The following CELF1 variants were observed in gnomAD, a reference collection of about 807,000 sequenced individuals.
CELF1 encodes the protein 50 kDa nuclear polyadenylated RNA-binding protein.
A neutral mutation model predicts 61.8 loss-of-function variants in CELF1; 10 were observed. That is an observed-to-expected ratio of 0.16 (90% CI 0.10 to 0.27). The LOEUF (loss-of-function observed/expected upper bound fraction) is 0.27, where lower values mean the gene tolerates loss of function less well. CELF1 is among the 10% of genes least tolerant of loss of function. The pLI, the probability that CELF1 is intolerant of heterozygous loss-of-function variation, is 1.00. For missense variants in CELF1, 380 were observed against 639.1 expected, an observed-to-expected ratio of 0.59 and a Z score of 4.37; for synonymous variants, 236 against 225.1, an observed-to-expected ratio of 1.05 and a Z score of -0.43.
At chr11:47,490,809 G>C (rs2091066405) in intron 3 of CELF1, among the ~76,000 whole-genome samples, 1 of 151,586 alleles carries the variant, frequency 6.6e-6, no homozygotes, top group Non-Finnish European at 1.5e-5. Context: ...AGATCCTTAA[G>C]AATGCTGAAT....
intron 3 of CELF1, among the ~76,000 whole-genome samples, chr11:47,495,553 G>T (rs1040641181): frequency 6.6e-6 from 1 of 152,206 alleles, no homozygotes; most frequent in African/African-American, 2.4e-5. Flanking sequence ...TTTATAGTAT[G>T]TGAATTATGT....
chr11:47,560,424 C>T (rs999913563), intron 2 of CELF1, among the ~76,000 whole-genome samples: 3 of 152,046 alleles, frequency 2.0e-5, no homozygotes, highest in African/African-American at 7.3e-5. Flanking sequence ...AAACAAAAAA[C>T]AAAACATTTC....
chr11:47,517,637 C>A (rs983551635), intron 1 of CELF1, among the ~76,000 whole-genome samples: 1 of 151,824 alleles, frequency 6.6e-6, no homozygotes, highest in Non-Finnish European at 1.5e-5. Context: ...CATGTGAACA[C>A]GTTACCTATT....
chr11:47,481,632 T>C (rs1033687568), intron 9 of CELF1, among the ~76,000 whole-genome samples: 3 of 152,188 alleles, frequency 2.0e-5, no homozygotes, highest in Non-Finnish European at 4.4e-5. Context: ...GGTTTCACCA[T>C]TAATAGCCTA....
chr11:47,486,999 A>C (rs1288388343), intron 5 of CELF1, among the ~76,000 whole-genome samples, 160 bp downstream of exon 5: 1 of 152,240 alleles, frequency 6.6e-6, no homozygotes, highest in African/African-American at 2.4e-5. Context: ...AACTAATGTC[A>C]GGTAATCTCT....
chr11:47,531,164 T>A (rs913318687), intron 1 of CELF1, among the ~76,000 whole-genome samples: 4 of 152,006 alleles, frequency 2.6e-5, no homozygotes, highest in African/African-American at 9.7e-5. Flanking sequence ...CAAGAATCAC[T>A]TGAACCCGGG....
intron 2 of CELF1, 163 bp from the exon 3 acceptor site, chr11:47,499,767 A>G (rs1055621925): frequency 4.1e-6 from 2 of 488,746 alleles, no homozygotes; most frequent in African/African-American, 3.9e-5. Context: ...ACACAATGAA[A>G]GTGCTGATGC....
At chr11:47,485,501 TAAAG>T (rs1316876336) in intron 6 of CELF1, among the ~76,000 whole-genome samples, 2 of 152,168 alleles carry the variant, frequency 1.3e-5, no homozygotes, top group Non-Finnish European at 2.9e-5. Context: ...GCAATACTAC[TAAAG>T]AAAGAAGAGG....
upstream of CELF1, among the ~76,000 whole-genome samples, chr11:47,556,237 TGTA>T (rs1362700378): frequency 2.0e-5 from 3 of 152,096 alleles, no homozygotes; most frequent in African/African-American, 7.2e-5. Flanking sequence ...CAGCCTGGAG[TGTA>T]GTAGTGCTAT....
chr11:47,472,207 T>C lies in CELF1; in HGVS notation c.*23A>G, dbSNP rs2077922852. The C allele has an allele frequency of 6.2e-7, 1 of 1,612,324 alleles. No individual in the cohort carries two copies. Among genetic ancestry groups the C allele is most frequent in the Non-Finnish European group, 8.5e-7 (1 of 1,179,184 alleles). On this transcript the variant is annotated 3_prime_UTR_variant, in exon 15 of 15. Coordinates refer to ENST00000687097, the MANE Select transcript of CELF1 (RefSeq NM_001376376.1). ...CCCACTTACCAGAAGACCCTCTCAC[T>C]CCAGTCTCAGAGGGGAGCACGCTCA...
At chr11:47,488,776 C>T in intron 4 of CELF1, 61 bp downstream of exon 4, 1 of 1,305,158 alleles carries the variant, frequency 7.7e-7, no homozygotes, top group Non-Finnish European at 1.0e-6. Context: ...AAACCCAAAG[C>T]CCTCACCTGC....
intron 1 of CELF1, among the ~76,000 whole-genome samples, chr11:47,552,611 G>A (rs868819509): frequency 1.3e-5 from 2 of 152,222 alleles, no homozygotes; most frequent in Non-Finnish European, 2.9e-5. Context: ...GGGTGTCCCG[G>A]GCAGGTAGCC....
chr11:47,499,657 A>G lies in CELF1; in HGVS notation c.-81-53T>C, dbSNP rs574799827. ...AAACAGGAGCTCAGGGAAACCAGCA[A>G]TAAGTGCCACAGAAAGAGGCAGGAC... On this transcript the variant is annotated intron_variant, in intron 2 of 14. Transcript: ENST00000687097. 31 of 674,872 alleles carry G rather than the reference A, an allele frequency of 4.6e-5. No individual in the cohort carries two copies. The African/African-American group carries it at 4.9e-4, about 11-fold the overall frequency. The allele number at this position is 674,872 out of a possible 1,614,324, so 41.8% of individuals were successfully genotyped here. A position where few individuals can be genotyped will look rare whatever the true frequency, so the allele number is the denominator to read the frequency against.
chr11:47,466,202 C>T lies in CELF1; in HGVS notation c.*6028G>A, dbSNP rs2076655479. The T allele has an allele frequency of 6.6e-6, 1 of 152,110 alleles. No homozygotes were observed. Among genetic ancestry groups the T allele is most frequent in the Non-Finnish European group, 1.5e-5 (1 of 68,032 alleles). The allele number at this position is 152,110 out of a possible 1,614,324, so 9.4% of individuals were successfully genotyped here. A position where few individuals can be genotyped will look rare whatever the true frequency, so the allele number is the denominator to read the frequency against. On this transcript the variant is annotated 3_prime_UTR_variant, in exon 15 of 15. Transcript: ENST00000687097. Reference sequence around the variant, plus strand: ...AGAAAAGCGACGAGGGCTCTCCTTGCCTTTTTTTAAACCATTAAAGTAAAA... The same window carrying T: ...AGAAAAGCGACGAGGGCTCTCCTTGTCTTTTTTTAAACCATTAAAGTAAAA...
At chr11:47,539,376 G>T (rs2096717552) in intron 1 of CELF1, among the ~76,000 whole-genome samples, 1 of 152,208 alleles carries the variant, frequency 6.6e-6, no homozygotes, top group Non-Finnish European at 1.5e-5. Context: ...CAACAGCTGG[G>T]TGTGGTGGCT....
intron 8 of CELF1, 119 bp downstream of exon 8, chr11:47,483,327 CTTTAAGA>C: frequency 1.4e-6 from 1 of 733,848 alleles, no homozygotes; most frequent in Middle Eastern, 3.3e-4. Flanking sequence ...TGGTTTTTAA[CTTTAAGA>C]TGTTGGCTGT....
intron 1 of CELF1, among the ~76,000 whole-genome samples, chr11:47,549,479 A>G (rs113174541): frequency 0.016 from 2,430 of 152,314 alleles, 51 homozygotes; most frequent in African/African-American, 0.048. Flanking sequence ...TACACAATGG[A>G]GTATTAGCCT....
At chr11:47,499,419 C>T (rs960860683) in intron 3 of CELF1, 34 bp downstream of exon 3, 17 of 1,495,488 alleles carry the variant, frequency 1.1e-5, no homozygotes, top group Non-Finnish European at 1.4e-5. Context: ...AGTTCCTCTG[C>T]TTATGATAAA....
chr11:47,486,061 T>C (rs1228405997), intron 6 of CELF1, among the ~76,000 whole-genome samples: 9 of 96,258 alleles, frequency 9.3e-5, no homozygotes, highest in African/African-American at 3.7e-4. Context: ...CTCGGGAGGC[T>C]GAGGCAGGAG....
Sources: gnomAD v4.1 joint callset for allele counts (sites outside exome capture counted in the v4.1 genomes callset) on GRCh38, gnomAD v4.1.1 for gene constraint, MANE v1.5 for transcripts, NCBI Gene and HGNC (gene_info 2026-07-23, HGNC 2026-07-21) for gene names.